SLC24A2: variants seen among roughly 807,000 people sequenced by gnomAD.
The protein encoded by SLC24A2 is solute carrier family 24 member 2, also known as sodium/potassium/calcium exchanger 2.
SLC24A2 carries 36 observed loss-of-function variants against 62.0 expected under a neutral mutation model. The ratio of observed to expected loss-of-function variants is 0.58; its 90% CI spans 0.44 to 0.77. The LOEUF (loss-of-function observed/expected upper bound fraction) is 0.77. SLC24A2 is among the 30% of genes least tolerant of loss of function. The pLI, the probability that SLC24A2 is intolerant of heterozygous loss-of-function variation, is 0.00. For synonymous variants in SLC24A2, 358 were observed against 294.0 expected, an observed-to-expected ratio of 1.22 and a Z score of -2.23; for missense variants, 846 against 817.9, an observed-to-expected ratio of 1.03 and a Z score of -0.42.
chr9:19,757,807 G>C (rs1822191417), intron 2 of SLC24A2, among the ~76,000 whole-genome samples: 1 of 152,118 alleles, frequency 6.6e-6, no homozygotes, highest in Admixed American at 6.6e-5. Context: ...GATCCCTTAT[G>C]AATGGCTTAG....
the SLC24A2 span, among the ~76,000 whole-genome samples, chr9:19,839,583 TAATTAC>T: frequency 6.6e-6 from 1 of 152,126 alleles, no homozygotes; most frequent in Admixed American, 6.5e-5. Context: ...AGAGGAACAA[TAATTAC>T]AATCGTTTGA....
chr9:20,116,045 T>C, the SLC24A2 span, among the ~76,000 whole-genome samples: 1 of 152,194 alleles, frequency 6.6e-6, no homozygotes, highest in African/African-American at 2.4e-5. Flanking sequence ...CTGTATTTGG[T>C]GAGAAGCCAC....
intron 2 of SLC24A2, among the ~76,000 whole-genome samples, chr9:19,661,175 C>T (rs1177514691): frequency 2.6e-5 from 4 of 151,338 alleles, no homozygotes; most frequent in Middle Eastern, 3.4e-3. Flanking sequence ...CTTGCCATTA[C>T]CAGCACTTAG....
chr9:19,982,289 G>T, the SLC24A2 span, among the ~76,000 whole-genome samples: 3 of 152,300 alleles, frequency 2.0e-5, no homozygotes, highest in East Asian at 5.8e-4. Flanking sequence ...GTGTGTGCAA[G>T]GTGTGCATGT....
At chr9:19,825,833 A>G in the SLC24A2 span, among the ~76,000 whole-genome samples, 1 of 152,228 alleles carries the variant, frequency 6.6e-6, no homozygotes, top group Admixed American at 6.5e-5. Context: ...AAATACCAAA[A>G]TCAATTTTAT....
At chr9:19,762,723 A>G (rs1279372410) in intron 2 of SLC24A2, among the ~76,000 whole-genome samples, 4 of 147,634 alleles carry the variant, frequency 2.7e-5, no homozygotes, top group Non-Finnish European at 6.0e-5. Context: ...CTTGTAGTAT[A>G]GTTTGAAGTC....
the SLC24A2 span, among the ~76,000 whole-genome samples, chr9:19,949,837 A>C: frequency 7.2e-5 from 11 of 152,212 alleles, no homozygotes; most frequent in Non-Finnish European, 1.3e-4. Context: ...ACCTTGTGGA[A>C]TGACACTATC....
the SLC24A2 span, among the ~76,000 whole-genome samples, chr9:19,982,297 T>A: frequency 6.6e-6 from 1 of 152,138 alleles, no homozygotes; most frequent in African/African-American, 2.4e-5. Context: ...AAGGTGTGCA[T>A]GTTTGTTGGC....
intron 2 of SLC24A2, among the ~76,000 whole-genome samples, chr9:19,658,535 T>C (rs1194763207): frequency 6.6e-6 from 1 of 152,232 alleles, no homozygotes; most frequent in Non-Finnish European, 1.5e-5. Context: ...GCACTGCTAT[T>C]ATCCCCAGTT....
intron 2 of SLC24A2, among the ~76,000 whole-genome samples, chr9:19,695,326 A>G (rs1031835211): frequency 6.6e-6 from 1 of 152,172 alleles, no homozygotes; most frequent in Admixed American, 6.5e-5. Context: ...TTACTCACAC[A>G]GGACTTCCAA....
the SLC24A2 span, among the ~76,000 whole-genome samples, chr9:20,145,044 A>G: frequency 6.6e-6 from 1 of 152,138 alleles, no homozygotes; most frequent in Non-Finnish European, 1.5e-5. Context: ...ACTACTTATC[A>G]AGTAATTGTT....
At position 19,508,721 on chromosome 9, in the gene SLC24A2, G is replaced by C. The variant is rs1832599250; in HGVS notation, c.*7432C>G. ...AAGTGGGAGGATCGCTTGAGTCCAG[G>C]TGTTTGAGGCTACACTGAGCTATGA... On this transcript the variant is annotated 3_prime_UTR_variant, in exon 11 of 11. Coordinates refer to ENST00000341998, the MANE Select transcript of SLC24A2 (RefSeq NM_020344.4). 6.6e-6 allele frequency: 1 copy of C among 152,056 alleles called. No individual in the cohort carries two copies. Among genetic ancestry groups the C allele is most frequent in the South Asian group, 2.1e-4 (1 of 4,824 alleles). The allele number at this position is 152,056 out of a possible 1,614,324, so 9.4% of individuals were successfully genotyped here.
chr9:19,735,869 G>T (rs906478763), intron 2 of SLC24A2, among the ~76,000 whole-genome samples: 1 of 148,220 alleles, frequency 6.7e-6, no homozygotes, highest in Non-Finnish European at 1.5e-5. Context: ...GGGGTGGGGG[G>T]AAGGGGGAGG....
chr9:19,660,444 G>C (rs1819063120), intron 2 of SLC24A2, among the ~76,000 whole-genome samples: 1 of 152,116 alleles, frequency 6.6e-6, no homozygotes, highest in African/African-American at 2.4e-5. Context: ...AATTTAAAGT[G>C]TTTTCCATCC....
At chr9:20,263,863 C>CG in the SLC24A2 span, among the ~76,000 whole-genome samples, 1 of 57,406 alleles carries the variant, frequency 1.7e-5, no homozygotes, top group African/African-American at 8.5e-5. Flanking sequence ...TCCCACCCGC[C>CG]CCCCCCCCCC....
At chr9:19,703,697 T>C (rs571672225) in intron 2 of SLC24A2, among the ~76,000 whole-genome samples, 106 of 152,334 alleles carry the variant, frequency 7.0e-4, no homozygotes, top group African/African-American at 2.5e-3. Flanking sequence ...GTGATAACAG[T>C]GCTTTGATCA....
intron 5 of SLC24A2, among the ~76,000 whole-genome samples, chr9:19,589,522 C>T (rs1836487672): frequency 6.6e-6 from 1 of 152,102 alleles, no homozygotes; most frequent in Admixed American, 6.5e-5. Flanking sequence ...TAAAATTAAT[C>T]CATGATTTAA....
At chr9:19,525,621 C>G (rs145688460) in intron 9 of SLC24A2, among the ~76,000 whole-genome samples, 1 of 151,608 alleles carries the variant, frequency 6.6e-6, no homozygotes, top group South Asian at 2.1e-4. Context: ...CCAGGCTGAT[C>G]TCGAACTCCT....
the SLC24A2 span, among the ~76,000 whole-genome samples, chr9:20,168,858 C>T: frequency 2.1e-4 from 32 of 151,956 alleles, 1 homozygote; most frequent in Non-Finnish European, 2.9e-5. Context: ...AGGTGTGTAT[C>T]CCAAAACAAT....
Sources: allele counts gnomAD v4.1 joint callset (sites outside exome capture counted in the v4.1 genomes callset), GRCh38; gene constraint gnomAD v4.1.1; transcripts MANE v1.5; gene names NCBI Gene and HGNC (gene_info 2026-07-23, HGNC 2026-07-21).